Variants in IMMP2L observed in about 807,000 individuals in gnomAD.
IMMP2L encodes inner mitochondrial membrane peptidase subunit 2.
A neutral mutation model predicts 19.3 loss-of-function variants in IMMP2L; 18 were observed. The ratio of observed to expected loss-of-function variants is 0.93; its 90% CI spans 0.64 to 1.38. IMMP2L has a LOEUF of 1.38. Ranked by LOEUF, IMMP2L falls within the 40% of genes most tolerant of loss-of-function variation. IMMP2L has a pLI of 0.00. For missense variants in IMMP2L, 233 were observed against 218.2 expected, an observed-to-expected ratio of 1.07 and a Z score of -0.43; for synonymous variants, 76 against 73.0, an observed-to-expected ratio of 1.04 and a Z score of -0.21.
At chr7:110,690,984 T>C (rs1230090424) in intron 5 of IMMP2L, among the ~76,000 whole-genome samples, 1 of 151,906 alleles carries the variant, frequency 6.6e-6, no homozygotes, top group Non-Finnish European at 1.5e-5. Flanking sequence ...CAAATTAATA[T>C]GGAACCAAAA....
At chr7:111,183,353 A>T (rs1336503866) in intron 3 of IMMP2L, among the ~76,000 whole-genome samples, 1 of 152,160 alleles carries the variant, frequency 6.6e-6, no homozygotes, top group Admixed American at 6.6e-5. Flanking sequence ...CAAAACAAAA[A>T]TATGCTGGAA....
At chr7:111,039,409 C>G (rs1469859974) in intron 3 of IMMP2L, among the ~76,000 whole-genome samples, 2 of 152,082 alleles carry the variant, frequency 1.3e-5, no homozygotes, top group East Asian at 3.9e-4. Flanking sequence ...CTCTATTAAC[C>G]GTTAAACTAA....
chr7:111,101,176 A>G (rs1797931121), intron 3 of IMMP2L, among the ~76,000 whole-genome samples: 1 of 151,528 alleles, frequency 6.6e-6, no homozygotes, highest in Admixed American at 6.6e-5. Flanking sequence ...TACTTGATAT[A>G]GACTTTTATG....
intron 4 of IMMP2L, among the ~76,000 whole-genome samples, chr7:110,937,340 T>C (rs894684531): frequency 3.9e-5 from 6 of 152,030 alleles, no homozygotes; most frequent in Non-Finnish European, 8.8e-5. Flanking sequence ...GAATATGGCA[T>C]TAAGAGGAGT....
intron 3 of IMMP2L, among the ~76,000 whole-genome samples, chr7:111,386,329 C>G (rs1221862510): frequency 2.0e-5 from 3 of 152,164 alleles, no homozygotes; most frequent in Admixed American, 2.0e-4. Context: ...CATTCATTCA[C>G]TTAACAAACA....
At chr7:110,947,368 G>A (rs1817369536) in intron 4 of IMMP2L, among the ~76,000 whole-genome samples, 1 of 152,084 alleles carries the variant, frequency 6.6e-6, no homozygotes, top group Non-Finnish European at 1.5e-5. Context: ...ACATTATAAA[G>A]CTAGGAGTCA....
At chr7:111,275,136 T>C (rs368250188) in intron 3 of IMMP2L, among the ~76,000 whole-genome samples, 3 of 152,142 alleles carry the variant, frequency 2.0e-5, no homozygotes, top group African/African-American at 4.8e-5. Context: ...AGGAATCCCA[T>C]GGAGGCTCCC....
intron 5 of IMMP2L, among the ~76,000 whole-genome samples, chr7:110,683,689 T>C (rs986763404): frequency 2.0e-5 from 3 of 152,146 alleles, no homozygotes; most frequent in Admixed American, 2.0e-4. Flanking sequence ...ACTGTGATCA[T>C]GTTAAAGGCA....
chr7:110,814,931 T>A (rs1256325132), intron 5 of IMMP2L, among the ~76,000 whole-genome samples: 1 of 151,982 alleles, frequency 6.6e-6, no homozygotes, highest in Admixed American at 6.6e-5. Flanking sequence ...ATGAAACACA[T>A]GGTAGTTTTC....
At chr7:110,973,689 T>A (rs1295205685) in intron 3 of IMMP2L, among the ~76,000 whole-genome samples, 1 of 152,164 alleles carries the variant, frequency 6.6e-6, no homozygotes, top group South Asian at 2.1e-4. Context: ...ACAAGTGTTG[T>A]TCCTTGCAGG....
At chr7:111,276,163 T>C (rs1254106852) in intron 3 of IMMP2L, among the ~76,000 whole-genome samples, 1 of 152,170 alleles carries the variant, frequency 6.6e-6, no homozygotes, top group Non-Finnish European at 1.5e-5. Context: ...GAAGGGGTGC[T>C]GAATTTTACT....
chr7:110,731,267 T>G (rs2130817745), intron 5 of IMMP2L, among the ~76,000 whole-genome samples: 1 of 152,278 alleles, frequency 6.6e-6, no homozygotes, highest in East Asian at 1.9e-4. Flanking sequence ...ATAAGAAATC[T>G]TACTGTATTT....
chr7:111,452,637 T>C (rs1225217462), intron 3 of IMMP2L, among the ~76,000 whole-genome samples: 1 of 152,166 alleles, frequency 6.6e-6, no homozygotes, highest in Non-Finnish European at 1.5e-5. Flanking sequence ...ACACATCCGT[T>C]GACTTCCTGT....
At chr7:111,115,557 T>C (rs1192559221) in intron 3 of IMMP2L, among the ~76,000 whole-genome samples, 2 of 152,170 alleles carry the variant, frequency 1.3e-5, no homozygotes, top group African/African-American at 2.4e-5. Context: ...ATTTCTGTAC[T>C]GTAAACTACC....
chr7:110,789,480 C>T (rs1881164), intron 5 of IMMP2L, among the ~76,000 whole-genome samples: 44,898 of 151,560 alleles, frequency 0.3, 8,362 homozygotes, highest in East Asian at 0.68. Flanking sequence ...TTCATACCAT[C>T]ATATCTTTTG....
chr7:111,548,185 T>C (rs530639727), intron 1 of IMMP2L, among the ~76,000 whole-genome samples: 37 of 151,042 alleles, frequency 2.4e-4, no homozygotes, highest in Middle Eastern at 3.4e-3. Flanking sequence ...CCCAATTCAA[T>C]CCTCTAAAAT....
chr7:111,317,209 G>C (rs1217466971), intron 3 of IMMP2L, among the ~76,000 whole-genome samples: 2 of 152,004 alleles, frequency 1.3e-5, no homozygotes, highest in Non-Finnish European at 2.9e-5. Context: ...TATTATCCAG[G>C]CCTCTGACTT....
At chr7:110,983,859 GT>G (rs1821564475) in intron 3 of IMMP2L, among the ~76,000 whole-genome samples, 1 of 151,922 alleles carries the variant, frequency 6.6e-6, no homozygotes, top group African/African-American at 2.4e-5. Context: ...TAAGATTTTA[GT>G]TTTTAAGCTC....
In IMMP2L at chr7:111,111,669, G is replaced by A. The variant is rs149410102; in HGVS notation, c.240-148104C>T. Among the ~76,000 whole-genome samples, 697 of 151,858 alleles carry A rather than the reference G, an allele frequency of 4.6e-3. 3 individuals carry two copies. The highest frequency in any genetic ancestry group is 7.3e-3 in the Non-Finnish European group (495 of 67,966). ...TGAATCAACTAATGTCCCCCCCTGC[G>A]TCAATAGTAATTTTAAATGAATTCA... is the stretch of plus-strand genomic sequence containing the variant. On this transcript the variant is annotated intron_variant, in intron 3 of 5. Coordinates refer to ENST00000405709, the MANE Select transcript of IMMP2L (RefSeq NM_032549.4).
Sources: allele counts gnomAD v4.1 joint callset (sites outside exome capture counted in the v4.1 genomes callset), GRCh38; gene constraint gnomAD v4.1.1; transcripts MANE v1.5; gene names NCBI Gene and HGNC (gene_info 2026-07-23, HGNC 2026-07-21).